PLGRKT: variants seen among roughly 807,000 people sequenced by gnomAD.
PLGRKT encodes the protein plasminogen receptor (KT).
PLGRKT carries 22 observed loss-of-function variants against 18.5 expected under a neutral mutation model. The ratio of observed to expected loss-of-function variants is 1.19; its 90% confidence interval spans 0.85 to 1.70. The LOEUF is 1.70. Among genes scored for constraint, PLGRKT ranks in the 40% most tolerant of loss-of-function variants. The pLI is 0.00. For synonymous variants in PLGRKT, 72 were observed against 52.8 expected (o/e 1.36, Z -1.58); for missense variants, 235 against 174.4 (o/e 1.35, Z -1.96).
intron 3 of PLGRKT, among the ~76,000 whole-genome samples, chr9:5,417,206 C>T (rs1818478581): frequency 6.6e-6 from 1 of 152,170 alleles, no homozygotes; most frequent in Non-Finnish European, 1.5e-5. Flanking sequence ...ACCTGGTAAG[C>T]AGTTTCTTTA....
chr9:5,410,743 G>A (rs1035989112), intron 3 of PLGRKT, among the ~76,000 whole-genome samples: 3 of 152,068 alleles, frequency 2.0e-5, no homozygotes, highest in Admixed American at 6.5e-5. Context: ...AAATTAAAAC[G>A]TTTCACTTCT....
chr9:5,404,167 T>C (rs1818210571), intron 3 of PLGRKT, among the ~76,000 whole-genome samples: 1 of 152,122 alleles, frequency 6.6e-6, no homozygotes, highest in Non-Finnish European at 1.5e-5. Flanking sequence ...CAGATCCTGA[T>C]GGATTTACAG....
chr9:5,374,396 C>T (rs1817588249), intron 3 of PLGRKT, among the ~76,000 whole-genome samples: 1 of 152,162 alleles, frequency 6.6e-6, no homozygotes, highest in Non-Finnish European at 1.5e-5. Context: ...TAAAAATGTT[C>T]AGTGGTTCTT....
chr9:5,421,986 C>G (rs578023007), intron 3 of PLGRKT, among the ~76,000 whole-genome samples: 2 of 152,300 alleles, frequency 1.3e-5, no homozygotes, highest in South Asian at 2.1e-4. Context: ...TATCAATTCA[C>G]TATTCTGAAA....
At chr9:5,438,078 T>A (rs1818997987), upstream of PLGRKT, among the ~76,000 whole-genome samples, 1 of 152,140 alleles carries the variant, frequency 6.6e-6, no homozygotes, top group Non-Finnish European at 1.5e-5. Flanking sequence ...GCTGCCAGAT[T>A]TTTGAGATGA....
At chr9:5,369,270 C>T (rs1398971231) in intron 3 of PLGRKT, among the ~76,000 whole-genome samples, 2 of 151,974 alleles carry the variant, frequency 1.3e-5, no homozygotes. Context: ...AAAAGAACTC[C>T]ATCAAAAAGT....
chr9:5,376,837 G>C lies in PLGRKT; in HGVS notation c.82-14949C>G, dbSNP rs566717122. ...AACTATGTATAGACTATCTTTGAAAGACTATTCAAGAAACTAGGAATGGAT... is the reference window on the plus strand; with the variant it reads ...AACTATGTATAGACTATCTTTGAAACACTATTCAAGAAACTAGGAATGGAT... On this transcript the variant is annotated intron_variant, in intron 3 of 5. Transcript: ENST00000223864. Among the ~76,000 whole-genome samples, 108 of 152,246 alleles carry C rather than the reference G, an allele frequency of 7.1e-4. 1 individual carries two copies. In the South Asian group the frequency reaches 0.022, roughly 31 times the overall value.
At chr9:5,406,889 T>A (rs879601777) in intron 3 of PLGRKT, among the ~76,000 whole-genome samples, 6 of 152,180 alleles carry the variant, frequency 3.9e-5, no homozygotes, top group Admixed American at 2.6e-4. Context: ...TTGAAATTTT[T>A]AAAAATATTA....
chr9:5,405,679 A>G (rs1818241941), intron 3 of PLGRKT, among the ~76,000 whole-genome samples: 1 of 152,222 alleles, frequency 6.6e-6, no homozygotes, highest in South Asian at 2.1e-4. Flanking sequence ...AGGCAATACT[A>G]TTTAGGACAC....
intron 3 of PLGRKT, among the ~76,000 whole-genome samples, chr9:5,363,118 C>T (rs549996387): frequency 2.0e-5 from 3 of 151,938 alleles, no homozygotes; most frequent in Non-Finnish European, 2.9e-5. Context: ...CTAGAGCCAG[C>T]GGACCCCATA....
Position 5,361,824 on chromosome 9 carries a change from C to T in PLGRKT, c.146G>A (p.Trp49Ter), listed in dbSNP as rs143233000. The T allele has an allele frequency of 6.2e-7, 1 of 1,613,098 alleles. No individual in the cohort carries two copies. Among genetic ancestry groups the T allele is most frequent in the South Asian group, 1.1e-5 (1 of 90,992 alleles). The change falls in exon 4 of 6, where the codon TGG becomes TAG. Residue 49 changes from tryptophan to a stop codon, truncating the protein, a stop_gained. Transcript: ENST00000223864. LOFTEE classifies it high-confidence loss of function. ...AAAATATTTGAGGAATTCCCGAGAC[C>T]ACGCAATCTGCATGGCCATTTGTCT... ...RERQMAMQIAWSREFLKYFGT... is the reference protein window; with the variant it reads ...RERQMAMQIA
At chr9:5,420,113 G>C (rs942654466) in intron 3 of PLGRKT, among the ~76,000 whole-genome samples, 1 of 152,184 alleles carries the variant, frequency 6.6e-6, no homozygotes. Context: ...ATTGGAGGAA[G>C]CCAGACACAA....
chr9:5,416,011 G>T (rs916558053), intron 3 of PLGRKT, among the ~76,000 whole-genome samples: 1 of 151,302 alleles, frequency 6.6e-6, no homozygotes, highest in Middle Eastern at 3.2e-3. Context: ...TCCTGGTTTT[G>T]ATCATTGTAC....
intron 3 of PLGRKT, among the ~76,000 whole-genome samples, chr9:5,414,073 C>T (rs1050857880): frequency 2.0e-5 from 3 of 151,950 alleles, no homozygotes; most frequent in African/African-American, 7.3e-5. Context: ...AGATTAAACA[C>T]CTATAGAGGA....
intron 3 of PLGRKT, among the ~76,000 whole-genome samples, chr9:5,375,009 A>G (rs1817601102): frequency 6.6e-6 from 1 of 152,162 alleles, no homozygotes; most frequent in Non-Finnish European, 1.5e-5. Context: ...ATCCCTGTAG[A>G]CACTCACCAC....
At chr9:5,362,454 G>C (rs1586697565) in intron 3 of PLGRKT, among the ~76,000 whole-genome samples, 1 of 152,102 alleles carries the variant, frequency 6.6e-6, no homozygotes, top group Non-Finnish European at 1.5e-5. Flanking sequence ...TTGAACAGAA[G>C]GCAGATGGCT....
chr9:5,384,128 G>C (rs779227842), intron 3 of PLGRKT, among the ~76,000 whole-genome samples: 8 of 152,208 alleles, frequency 5.3e-5, no homozygotes, highest in Non-Finnish European at 1.2e-4. Flanking sequence ...CTAGGTTTGA[G>C]AACTTCCAGC....
intron 3 of PLGRKT, among the ~76,000 whole-genome samples, chr9:5,428,005 C>T (rs776609128): frequency 6.6e-6 from 1 of 152,098 alleles, no homozygotes; most frequent in Non-Finnish European, 1.5e-5. Flanking sequence ...TGTCATACTC[C>T]CTTCTGGGGT....
At chr9:5,371,999 T>TTTTTTTC (rs1408834287) in intron 3 of PLGRKT, among the ~76,000 whole-genome samples, 1 of 142,062 alleles carries the variant, frequency 7.0e-6, no homozygotes, top group African/African-American at 2.7e-5. Context: ...TTTTTTTTTT[T>TTTTTTTC]GATATGGAGT....
Sources: allele counts gnomAD v4.1 joint callset (sites outside exome capture counted in the v4.1 genomes callset), GRCh38; gene constraint gnomAD v4.1.1; transcripts MANE v1.5; gene names NCBI Gene and HGNC (gene_info 2026-07-23, HGNC 2026-07-21).